Variants in G2E3 observed in about 807,000 individuals in gnomAD.
G2E3 encodes the protein G2/M phase-specific E3 ubiquitin-protein ligase.
A neutral mutation model predicts 92.8 loss-of-function variants in G2E3; 35 were observed. That is an observed-to-expected ratio of 0.38 (90% CI 0.29 to 0.50). The LOEUF is 0.50. Among genes scored for constraint, G2E3 ranks in the 20% least tolerant of loss-of-function variants. G2E3 has a pLI of 0.94. For synonymous variants in G2E3, 242 were observed against 272.4 expected (o/e 0.89, Z 1.10); for missense variants, 554 against 823.8 (o/e 0.67, Z 4.01).
chr14:30,589,502 CTA>C lies in G2E3; in HGVS notation c.237+20_237+21del. 8 of 1,199,414 alleles carry C rather than the reference CTA, an allele frequency of 6.7e-6. No individual in the cohort carries two copies. The highest frequency in any genetic ancestry group is 9.9e-6 in the Non-Finnish European group (8 of 811,218). 74.3% of individuals were successfully genotyped at this position (1,199,414 alleles called of 1,614,324 possible). On this transcript the variant is annotated intron_variant, in intron 4 of 14. Transcript: ENST00000206595. The stretch of plus-strand genomic sequence containing the variant: ...CTAAACTGGTAAGTAAATTATTTTA[CTA>C]TTAAGTAATGTCATAAATATTGTCA...
Position 30,616,303 on chromosome 14 carries a change from A to G in G2E3, c.1890A>G (p.Glu630=). ...ATGGTAAATCTACAACAACAATGGA[A>G]GACATTCTTATTTTTGCAACTGGTT... ...VEDGKSTTTM[E]DILIFATGCS... Residue 630 remains glutamate (E), a synonymous_variant, in exon 15 of 15, where the codon GAA becomes GAG. Transcript: ENST00000206595. 6.2e-7 allele frequency: 1 copy of G among 1,608,146 alleles called. No individual in the cohort carries two copies. The highest frequency in any genetic ancestry group is 8.5e-7 in the Non-Finnish European group (1 of 1,175,054).
At chr14:30,590,859 G>A in intron 4 of G2E3, 2 of 380,982 alleles carry the variant, frequency 5.2e-6, no homozygotes. Context: ...TGGAACTACA[G>A]ATTGAATATC....
rs187513768 is a variant in G2E3 at position 30,612,603 on chromosome 14, A to G, written c.1673+224A>G. 3.9e-5 allele frequency among the ~76,000 whole-genome samples: 6 copies of G among 152,280 alleles called. No homozygotes were observed. In the East Asian group the frequency reaches 1.2e-3, roughly 29 times the overall value. On this transcript the variant is annotated intron_variant, in intron 13 of 14. Coordinates refer to ENST00000206595, the MANE Select transcript of G2E3 (RefSeq NM_017769.5). ...GCATGGTGGCTCACTCACACCTGTA[A>G]TCCCAGCACTTCGGGAGGCTGGGGC...
intron 1 of G2E3, among the ~76,000 whole-genome samples, chr14:30,570,140 A>G (rs1045285941): frequency 3.4e-4 from 52 of 152,116 alleles, no homozygotes; most frequent in Middle Eastern, 3.2e-3. Context: ...TAAATATGTC[A>G]TCTCACTGCC....
intron 1 of G2E3, 169 bp from the exon 2 acceptor site, chr14:30,580,907 A>G: frequency 1.8e-6 from 1 of 569,404 alleles, no homozygotes; most frequent in South Asian, 2.0e-5. Context: ...CCCGACTCTT[A>G]ACACCCCAGT....
chr14:30,604,569 A>G (rs1881735035), intron 10 of G2E3, among the ~76,000 whole-genome samples: 1 of 151,634 alleles, frequency 6.6e-6, no homozygotes, highest in African/African-American at 2.4e-5. Context: ...CATTTCTAAC[A>G]AGTTCTGGGG....
At chr14:30,576,897 A>G (rs995829982) in intron 1 of G2E3, among the ~76,000 whole-genome samples, 19 of 152,122 alleles carry the variant, frequency 1.2e-4, no homozygotes, top group South Asian at 6.2e-4. Context: ...TGTATATTCA[A>G]TGTCACCTTT....
chr14:30,560,420 G>T, intron 1 of G2E3: 1 of 211,556 alleles, frequency 4.7e-6, no homozygotes, highest in Non-Finnish European at 9.4e-6. Context: ...CCTTCATCCA[G>T]TGCTGGCTAT....
At chr14:30,571,507 C>G (rs1172042763) in intron 1 of G2E3, among the ~76,000 whole-genome samples, 1 of 151,918 alleles carries the variant, frequency 6.6e-6, no homozygotes, top group African/African-American at 2.4e-5. Context: ...CCTAAGAAAT[C>G]TTTGCCAAAC....
chr14:30,613,313 C>A (rs1205216672), intron 13 of G2E3, among the ~76,000 whole-genome samples: 1 of 152,018 alleles, frequency 6.6e-6, no homozygotes, highest in Non-Finnish European at 1.5e-5. Context: ...CTGATAAATT[C>A]ATTTAAAAAA....
intron 10 of G2E3, among the ~76,000 whole-genome samples, chr14:30,604,899 CATTCATTCATTT>C (rs1881752345): frequency 6.6e-6 from 1 of 151,632 alleles, no homozygotes; most frequent in African/African-American, 2.4e-5. Flanking sequence ...TTCATTCATT[CATTCATTCATTT>C]ATGAGACGGA....
intron 6 of G2E3, among the ~76,000 whole-genome samples, chr14:30,596,001 TC>T (rs1250140881): frequency 6.6e-6 from 1 of 151,996 alleles, no homozygotes; most frequent in Non-Finnish European, 1.5e-5. Context: ...ACCAGATACT[TC>T]CTTTTATCGT....
chr14:30,591,872 A>C (rs1269364885), intron 4 of G2E3, among the ~76,000 whole-genome samples: 1 of 152,084 alleles, frequency 6.6e-6, no homozygotes, highest in Non-Finnish European at 1.5e-5. Flanking sequence ...GTGTCTCAAC[A>C]CTTTTTCATT....
intron 7 of G2E3, 134 bp from the exon 8 acceptor site, chr14:30,598,349 T>C: frequency 3.3e-6 from 2 of 598,722 alleles, no homozygotes; most frequent in South Asian, 3.7e-5. Context: ...ATTGCACCAC[T>C]GTACTCCAGC....
At chr14:30,581,174 A>C (rs1880410372) in intron 2 of G2E3, 58 bp downstream of exon 2, 1 of 921,610 alleles carries the variant, frequency 1.1e-6, no homozygotes, top group East Asian at 2.4e-5. Context: ...TATGTTACTT[A>C]AACATTAGGA....
chr14:30,593,071 T>C (rs1236270068), intron 5 of G2E3, among the ~76,000 whole-genome samples: 1 of 152,172 alleles, frequency 6.6e-6, no homozygotes, highest in Non-Finnish European at 1.5e-5. Flanking sequence ...AGGTTATTAA[T>C]TGCATTTTAT....
chr14:30,575,021 A>T (rs1053321333), intron 1 of G2E3, among the ~76,000 whole-genome samples: 6 of 152,236 alleles, frequency 3.9e-5, no homozygotes, highest in African/African-American at 9.6e-5. Flanking sequence ...CAGTGGTTGG[A>T]CTAATTTACA....
chr14:30,592,806 A>T (rs1397836292), intron 5 of G2E3, among the ~76,000 whole-genome samples: 1 of 152,164 alleles, frequency 6.6e-6, no homozygotes, highest in Non-Finnish European at 1.5e-5. Flanking sequence ...ACAGGGCTGT[A>T]TGCATTTCGA....
intron 6 of G2E3, among the ~76,000 whole-genome samples, chr14:30,594,305 CTTAAGT>C (rs1881161801): frequency 6.6e-6 from 1 of 152,130 alleles, no homozygotes; most frequent in Admixed American, 6.5e-5. Context: ...AGCTGATGAA[CTTAAGT>C]TTAATACTGT....
Sources: allele counts gnomAD v4.1 joint callset (sites outside exome capture counted in the v4.1 genomes callset), GRCh38; gene constraint gnomAD v4.1.1; transcripts MANE v1.5; gene names NCBI Gene and HGNC (gene_info 2026-07-23, HGNC 2026-07-21).